KANSL2: variants seen among roughly 807,000 people sequenced by gnomAD.
KANSL2 encodes the protein NSL complex protein NSL2.
In KANSL2, 34 loss-of-function variants were observed where a neutral mutation model predicts 55.6. The ratio of observed to expected loss-of-function variants is 0.61; its 90% CI spans 0.46 to 0.81. KANSL2 has a LOEUF of 0.81. Among genes scored for constraint, KANSL2 ranks in the 40% least tolerant of loss-of-function variants. KANSL2 has a pLI of 0.00. For missense variants in KANSL2, 502 were observed against 609.9 expected (o/e 0.82, Z 1.86); for synonymous variants, 209 against 214.3 (o/e 0.98, Z 0.22).
chr12:48,660,464 G>A lies in KANSL2; in HGVS notation c.1129C>T (p.Leu377=). 1 of 1,613,940 alleles carries A rather than the reference G, an allele frequency of 6.2e-7. No homozygotes were observed. Among genetic ancestry groups the A allele is most frequent in the African/African-American group, 1.3e-5 (1 of 75,062 alleles). The change falls in exon 8 of 10, where the codon CTG becomes TTG. Residue 377 remains leucine (L), a synonymous_variant. Transcript: ENST00000420613. The stretch of plus-strand genomic sequence containing the variant: ...GCTTCCAGATCGTCTGGCACAGACA[G>A]TACCTGCTCGGGCTTATACATCTGA... ...PPQMYKPEQV[L]SVPDDLEAGP...
chr12:48,674,365 G>T (rs945030869), intron 4 of KANSL2, among the ~76,000 whole-genome samples: 4 of 152,040 alleles, frequency 2.6e-5, no homozygotes, highest in Non-Finnish European at 5.9e-5. Flanking sequence ...TCCCAGGCTG[G>T]TCTCAAACTC....
At chr12:48,681,961 T>C in intron 1 of KANSL2, 1 of 702,898 alleles carries the variant, frequency 1.4e-6, no homozygotes, top group Non-Finnish European at 2.6e-6. Context: ...GCCGCCTTTG[T>C]CCCGGCCTGC....
chr12:48,656,314 C>T (rs1475983717), intron 8 of KANSL2, among the ~76,000 whole-genome samples: 2 of 150,414 alleles, frequency 1.3e-5, no homozygotes, highest in Non-Finnish European at 3.0e-5. Context: ...CGCTCTGTCG[C>T]CCAGGCTGGA....
At chr12:48,678,104 G>A (rs537271646) in intron 4 of KANSL2, among the ~76,000 whole-genome samples, 1 of 152,220 alleles carries the variant, frequency 6.6e-6, no homozygotes, top group African/African-American at 2.4e-5. Context: ...CCAAAGTAAT[G>A]AAGAAAATGC....
intron 2 of KANSL2, 101 bp from the exon 3 acceptor site, chr12:48,679,934 G>A: frequency 9.6e-7 from 1 of 1,038,708 alleles, no homozygotes; most frequent in Non-Finnish European, 1.4e-6. Context: ...GAATTAAAAT[G>A]ACTATTACAT....
chr12:48,679,446 G>GA (rs1331449764), intron 3 of KANSL2, among the ~76,000 whole-genome samples: 2 of 152,076 alleles, frequency 1.3e-5, no homozygotes, highest in African/African-American at 4.8e-5. Context: ...AGCAATGAAA[G>GA]AAATGGTCAC....
At chr12:48,654,464 C>T (rs778238742) in intron 9 of KANSL2, 1 of 673,330 alleles carries the variant, frequency 1.5e-6, no homozygotes, top group African/African-American at 1.8e-5. Context: ...GTCCTTTAGG[C>T]CTCTGCTTGA....
At chr12:48,662,714 G>A (rs1939511393) in intron 7 of KANSL2, 1 of 1,163,480 alleles carries the variant, frequency 8.6e-7, no homozygotes, top group Non-Finnish European at 1.1e-6. Flanking sequence ...GGAAAGGAAA[G>A]AGCATAAAAG....
intron 5 of KANSL2, among the ~76,000 whole-genome samples, chr12:48,669,643 G>A (rs560502956): frequency 3.0e-4 from 46 of 151,612 alleles, no homozygotes; most frequent in African/African-American, 1.1e-3. Context: ...TCAGCCTCCT[G>A]AGTAGCTGGG....
rs1444903583 is a variant in KANSL2, at chr12:48,682,196, T to G, written c.-19A>C. ...AGCACCGCCATCTTACCTCAGGAGC[T>G]GCGCTGCGCCGCACTCTGCCGCGCC... On this transcript the variant is annotated 5_prime_UTR_variant, in exon 1 of 10. Transcript: ENST00000420613. 1.5e-6 allele frequency: 1 copy of G among 677,722 alleles called. No homozygotes were observed. The highest frequency in any genetic ancestry group is 2.7e-6 in the Non-Finnish European group (1 of 371,846). The allele number at this position is 677,722 out of a possible 1,614,324, so 42.0% of individuals were successfully genotyped here.
chr12:48,673,375 C>T (rs908664371), intron 4 of KANSL2, among the ~76,000 whole-genome samples: 1 of 151,132 alleles, frequency 6.6e-6, no homozygotes, highest in Non-Finnish European at 1.5e-5. Context: ...GCCTGGCCAA[C>T]ATGGCGAAAC....
intron 4 of KANSL2, among the ~76,000 whole-genome samples, chr12:48,674,939 T>C (rs1035529359): frequency 4.9e-5 from 7 of 142,152 alleles, no homozygotes; most frequent in Admixed American, 4.9e-4. Context: ...AAATAAAAAA[T>C]TAAATAAAAT....
intron 9 of KANSL2, chr12:48,654,387 T>C (rs905427896): frequency 3.9e-6 from 3 of 774,460 alleles, no homozygotes; most frequent in South Asian, 2.7e-5. Context: ...CTGTAGGTTG[T>C]TTCTTCCAAA....
At chr12:48,680,981 C>G (rs111757098) in intron 2 of KANSL2, among the ~76,000 whole-genome samples, 41 of 149,298 alleles carry the variant, frequency 2.7e-4, no homozygotes, top group African/African-American at 8.4e-4. Flanking sequence ...CGCCCCCCCG[C>G]CAAAAAATTA....
At chr12:48,673,874 C>T (rs1939773674) in intron 4 of KANSL2, among the ~76,000 whole-genome samples, 1 of 151,944 alleles carries the variant, frequency 6.6e-6, no homozygotes, top group Non-Finnish European at 1.5e-5. Context: ...TCACTTCAGC[C>T]TGGGAGTGGG....
intron 4 of KANSL2, among the ~76,000 whole-genome samples, 167 bp downstream of exon 4, chr12:48,678,869 T>C (rs1439655517): frequency 1.3e-5 from 2 of 152,214 alleles, no homozygotes; most frequent in African/African-American, 2.4e-5. Flanking sequence ...TCATCCTGCC[T>C]TGAAGCAAGA....
At chr12:48,682,010 G>A (rs1939938139) in intron 1 of KANSL2, 177 bp downstream of exon 1, 1 of 702,900 alleles carries the variant, frequency 1.4e-6, no homozygotes, top group South Asian at 1.5e-5. Flanking sequence ...GGAAGCCTAT[G>A]CGAGCGCCAT....
chr12:48,679,938 A>G (rs61942051), intron 2 of KANSL2, 105 bp from the exon 3 acceptor site: 267,449 of 965,322 alleles, frequency 0.28, 41,771 homozygotes, highest in Non-Finnish European at 0.32. Flanking sequence ...TAAAATGACT[A>G]TTACATTCAT....
At chr12:48,681,179 G>A (rs1222885627) in intron 2 of KANSL2, 3 of 460,068 alleles carry the variant, frequency 6.5e-6, no homozygotes, top group African/African-American at 2.1e-5. Context: ...ACAGATAAGG[G>A]AAAAGAACCA....
Sources: allele counts gnomAD v4.1 joint callset (sites outside exome capture counted in the v4.1 genomes callset), GRCh38; gene constraint gnomAD v4.1.1; transcripts MANE v1.5; gene names NCBI Gene and HGNC (gene_info 2026-07-23, HGNC 2026-07-21).